The following RB1CC1 variants were observed in gnomAD, a reference collection of about 807,000 sequenced individuals.
RB1CC1 encodes RB1 inducible coiled-coil 1, also known as RB1-inducible coiled-coil protein 1.
RB1CC1 carries 46 observed loss-of-function variants against 177.5 expected under a neutral mutation model. The ratio of observed to expected loss-of-function variants is 0.26; its 90% confidence interval spans 0.20 to 0.33. RB1CC1 has a LOEUF of 0.33. Among genes scored for constraint, RB1CC1 ranks in the 10% least tolerant of loss-of-function variants. The pLI, the probability that RB1CC1 is intolerant of heterozygous loss-of-function variation, is 1.00. For missense variants in RB1CC1, 1,703 were observed against 1,816.3 expected, an observed-to-expected ratio of 0.94 and a Z score of 1.13; for synonymous variants, 666 against 613.6, an observed-to-expected ratio of 1.09 and a Z score of -1.26.
intron 1 of RB1CC1, among the ~76,000 whole-genome samples, chr8:52,708,447 G>T (rs1856778584): frequency 1.3e-5 from 2 of 152,138 alleles, no homozygotes; most frequent in African/African-American, 2.4e-5. Context: ...AACCCAGGAG[G>T]CGGAGCTTGC....
Position 52,644,713 on chromosome 8 carries a change from G to A in RB1CC1, c.3987+989C>T, listed in dbSNP as rs947552709. On this transcript the variant is annotated intron_variant, in intron 16 of 23. Coordinates refer to ENST00000025008, the MANE Select transcript of RB1CC1 (RefSeq NM_014781.5). ...CCCTAGGCCTTAAAAATCTAAAATT[G>A]TTAGAGGTTTCAACTATACTTTATT... Among the ~76,000 whole-genome samples the A allele has an allele frequency of 4.0e-5, 6 of 151,834 alleles. No individual in the cohort carries two copies. The South Asian group carries it at 6.2e-4, about 16-fold the overall frequency.
chr8:52,658,227 A>G (rs2150485715), intron 13 of RB1CC1, 103 bp from the exon 14 acceptor site: 2 of 1,241,012 alleles, frequency 1.6e-6, no homozygotes, highest in Middle Eastern at 2.8e-4. Context: ...GAGCCTTATC[A>G]TTCCTTTTTA....
intron 18 of RB1CC1, among the ~76,000 whole-genome samples, chr8:52,636,483 A>G (rs985278422): frequency 2.6e-5 from 4 of 152,208 alleles, no homozygotes; most frequent in Non-Finnish European, 4.4e-5. Context: ...CCAATACACT[A>G]AAACATCCAA....
intron 16 of RB1CC1, 120 bp downstream of exon 16, chr8:52,645,582 C>A (rs1324542821): frequency 9.8e-7 from 1 of 1,021,684 alleles, no homozygotes; most frequent in Non-Finnish European, 1.4e-6. Flanking sequence ...TTAACAGGAT[C>A]AATGTAAGGA....
chr8:52,687,795 A>T (rs1272949825), intron 1 of RB1CC1, among the ~76,000 whole-genome samples: 1 of 152,238 alleles, frequency 6.6e-6, no homozygotes, highest in Non-Finnish European at 1.5e-5. Flanking sequence ...AGCCATGCCC[A>T]GAATCTATAA....
intron 23 of RB1CC1, among the ~76,000 whole-genome samples, chr8:52,624,428 A>AT (rs1327058059): frequency 6.6e-6 from 1 of 151,964 alleles, no homozygotes; most frequent in South Asian, 2.1e-4. Flanking sequence ...TTATGCAGGG[A>AT]TTTTTTTTCT....
chr8:52,678,753 G>A (rs1443614127), intron 5 of RB1CC1, among the ~76,000 whole-genome samples: 1 of 152,152 alleles, frequency 6.6e-6, no homozygotes, highest in Non-Finnish European at 1.5e-5. Context: ...AAATATGAAA[G>A]TTTACTTTCT....
At chr8:52,632,186 A>C (rs911447142) in intron 20 of RB1CC1, among the ~76,000 whole-genome samples, 9 of 152,198 alleles carry the variant, frequency 5.9e-5, no homozygotes, top group African/African-American at 2.2e-4. Context: ...TAAGACCTGA[A>C]GCATGGAAAC....
At chr8:52,664,475 CAAT>C (rs1851892770) in intron 8 of RB1CC1, among the ~76,000 whole-genome samples, 1 of 152,106 alleles carries the variant, frequency 6.6e-6, no homozygotes, top group African/African-American at 2.4e-5. Flanking sequence ...CTAAAAGTAA[CAAT>C]ATTACCTATA....
chr8:52,699,011 G>T (rs1162683046), intron 1 of RB1CC1, among the ~76,000 whole-genome samples: 3 of 151,920 alleles, frequency 2.0e-5, no homozygotes, highest in Non-Finnish European at 4.4e-5. Context: ...TTTTTTAAAT[G>T]GTCAAAAATA....
intron 15 of RB1CC1, among the ~76,000 whole-genome samples, chr8:52,646,726 G>C (rs922033494): frequency 2.0e-5 from 3 of 152,164 alleles, no homozygotes; most frequent in Non-Finnish European, 4.4e-5. Context: ...CTAGAGATGA[G>C]AATAGGACAA....
intron 1 of RB1CC1, among the ~76,000 whole-genome samples, chr8:52,709,122 G>A (rs1468758177): frequency 6.6e-6 from 1 of 151,894 alleles, no homozygotes; most frequent in African/African-American, 2.4e-5. Flanking sequence ...CAGGAGACTC[G>A]CTTGAACCCG....
chr8:52,692,646 T>C (rs186042355), intron 1 of RB1CC1, among the ~76,000 whole-genome samples: 110 of 152,294 alleles, frequency 7.2e-4, no homozygotes, highest in Non-Finnish European at 1.2e-3. Flanking sequence ...AACATGAACA[T>C]ACTACATTAA....
chr8:52,675,845 C>G (rs1399045856), intron 6 of RB1CC1, among the ~76,000 whole-genome samples: 1 of 149,474 alleles, frequency 6.7e-6, no homozygotes, highest in Non-Finnish European at 1.5e-5. Flanking sequence ...TGAGATCACA[C>G]CACTGTACTC....
At chr8:52,668,245 GTAT>G (rs1852249007) in intron 7 of RB1CC1, 54 bp from the exon 8 acceptor site, 1 of 1,575,188 alleles carries the variant, frequency 6.3e-7, no homozygotes, top group Non-Finnish European at 8.6e-7. Context: ...AGTTTAAAAT[GTAT>G]TTCATGCTAT....
At chr8:52,705,156 A>C (rs1300048142) in intron 1 of RB1CC1, among the ~76,000 whole-genome samples, 1 of 152,210 alleles carries the variant, frequency 6.6e-6, no homozygotes, top group African/African-American at 2.4e-5. Context: ...CACGGTAGTT[A>C]ACAAGTTAGT....
At chr8:52,660,050 A>G (rs1319632281) in intron 12 of RB1CC1, among the ~76,000 whole-genome samples, 2 of 152,340 alleles carry the variant, frequency 1.3e-5, no homozygotes, top group East Asian at 3.9e-4. Flanking sequence ...AAAAGCCCCC[A>G]TATTGCTTTG....
At chr8:52,694,712 TG>T (rs781343885) in intron 1 of RB1CC1, among the ~76,000 whole-genome samples, 26 of 152,266 alleles carry the variant, frequency 1.7e-4, no homozygotes, top group Non-Finnish European at 3.4e-4. Context: ...TTCCATCATA[TG>T]GAAGTGACAG....
chr8:52,677,055 G>A (rs562575976), intron 5 of RB1CC1, among the ~76,000 whole-genome samples: 2 of 152,256 alleles, frequency 1.3e-5, no homozygotes, highest in Admixed American at 6.5e-5. Flanking sequence ...ATAGACATCT[G>A]ACATTCAGTT....
Sources: allele counts gnomAD v4.1 joint callset (sites outside exome capture counted in the v4.1 genomes callset), GRCh38; gene constraint gnomAD v4.1.1; transcripts MANE v1.5; gene names NCBI Gene and HGNC (gene_info 2026-07-23, HGNC 2026-07-21).